The following CTPS2 variants were observed in gnomAD, a reference collection of about 807,000 sequenced individuals.
CTPS2 encodes the protein CTP synthase 2.
In CTPS2, 19 loss-of-function variants were observed where a neutral mutation model predicts 46.8. The observed-to-expected ratio is 0.41, with a 90% CI of 0.28 to 0.60. CTPS2 has a LOEUF of 0.60. Ranked by LOEUF, CTPS2 falls within the 20% of genes least tolerant of loss-of-function variation. CTPS2 has a pLI of 0.35. For synonymous variants in CTPS2, 151 were observed against 165.2 expected, an observed-to-expected ratio of 0.91 and a Z score of 0.66; for missense variants, 286 against 447.6, an observed-to-expected ratio of 0.64 and a Z score of 3.26.
intron 17 of CTPS2, among the ~76,000 whole-genome samples, chrX:16,593,205 G>A (rs1046764300): frequency 6.3e-5 from 7 of 111,393 alleles, no homozygotes; most frequent in African/African-American, 2.3e-4. Context: ...CAAGGTGGGC[G>A]GATCACGAGG....
chrX:16,657,546 T>C (rs1406264516), intron 13 of CTPS2, among the ~76,000 whole-genome samples: 1 of 111,268 alleles, frequency 9.0e-6, no homozygotes, highest in Non-Finnish European at 1.9e-5. Flanking sequence ...GAAACTATTA[T>C]CATTGGTTAC....
chrX:16,693,023 C>G (rs1923822113), intron 6 of CTPS2, 118 bp downstream of exon 6: 2 of 541,945 alleles, frequency 3.7e-6, no homozygotes, highest in Non-Finnish European at 6.2e-6. Context: ...CACCACTGCA[C>G]TCCAGCCTGG....
chrX:16,638,642 G>A (rs1017525690), intron 14 of CTPS2: 13 of 161,559 alleles, frequency 8.0e-5, no homozygotes, highest in Non-Finnish European at 3.6e-5. Context: ...ATCAAATGGC[G>A]AGCCATCTCC....
intron 13 of CTPS2, among the ~76,000 whole-genome samples, chrX:16,658,163 G>A (rs1409954229): frequency 9.2e-6 from 1 of 108,568 alleles, no homozygotes; most frequent in African/African-American, 3.4e-5. Context: ...CCAAGATTGT[G>A]CTATTGCACT....
chrX:16,628,332 T>C (rs1931271607), intron 14 of CTPS2, among the ~76,000 whole-genome samples: 1 of 111,674 alleles, frequency 9.0e-6, no homozygotes, highest in Non-Finnish European at 1.9e-5. Context: ...CTCTATATTA[T>C]AGCATTACAT....
intron 13 of CTPS2, chrX:16,654,305 G>T: frequency 2.0e-6 from 1 of 509,300 alleles, no homozygotes; most frequent in Non-Finnish European, 3.2e-6. Flanking sequence ...CTGCCTTCTT[G>T]GCACACAGAC....
chrX:16,686,489 T>A (rs753533522), intron 8 of CTPS2, among the ~76,000 whole-genome samples: 1 of 111,918 alleles, frequency 8.9e-6, no homozygotes, highest in East Asian at 2.8e-4. Flanking sequence ...CAGACATAAG[T>A]AAGGCTCTCC....
At position 16,711,689 on chromosome X, in the gene CTPS2, A is replaced by G. The variant is rs779309794; in HGVS notation, c.-40+646T>C. ...TGGGATAATGGTTACAGGAGTGTAT[A>G]ATTTGTCAAATCCCGTCGATTTGCA... On this transcript the variant is annotated intron_variant, in intron 1 of 18. Coordinates refer to ENST00000359276, the MANE Select transcript of CTPS2 (RefSeq NM_175859.3). 2.7e-5 allele frequency: 3 copies of G among 111,300 alleles called. No individual in the cohort carries two copies. The East Asian group carries it at 8.4e-4, about 31-fold the overall frequency. The allele number at this position is 111,300 out of a possible 1,213,427, so 9.2% of individuals were successfully genotyped here.
chrX:16,639,098 CAT>C (rs772472139), intron 14 of CTPS2, 47 bp downstream of exon 14: 2 of 1,023,363 alleles, frequency 2.0e-6, no homozygotes, highest in African/African-American at 3.7e-5. Flanking sequence ...CCTGCAGTCA[CAT>C]GAGCCACATC....
chrX:16,688,550 T>C (rs1274646698), intron 8 of CTPS2, among the ~76,000 whole-genome samples: 3 of 109,507 alleles, frequency 2.7e-5, no homozygotes, highest in African/African-American at 1.0e-4. Flanking sequence ...AGACTACAGG[T>C]AAGTGCCACT....
intron 13 of CTPS2, among the ~76,000 whole-genome samples, chrX:16,642,978 T>A (rs1259942954): frequency 8.9e-6 from 1 of 112,118 alleles, no homozygotes; most frequent in East Asian, 2.8e-4. Flanking sequence ...ATCCCCAGAT[T>A]TGTCCTCTCT....
chrX:16,624,030 A>G (rs1480840642), intron 14 of CTPS2, among the ~76,000 whole-genome samples: 1 of 108,317 alleles, frequency 9.2e-6, no homozygotes, highest in African/African-American at 3.4e-5. Context: ...GATGGTCTCT[A>G]TCTCCTGACC....
At chrX:16,635,377 C>T (rs1363111485) in intron 14 of CTPS2, among the ~76,000 whole-genome samples, 1 of 111,602 alleles carries the variant, frequency 9.0e-6, no homozygotes, top group Non-Finnish European at 1.9e-5. Flanking sequence ...AAAAAACGTT[C>T]ATAAAACACT....
At chrX:16,654,265 C>A (rs1932768568) in intron 13 of CTPS2, 3 of 407,343 alleles carry the variant, frequency 7.4e-6, no homozygotes, top group Non-Finnish European at 1.3e-5. Context: ...TCTCTGTTAG[C>A]TATTAGATGC....
intron 13 of CTPS2, among the ~76,000 whole-genome samples, chrX:16,663,984 TG>T (rs1933065741): frequency 9.0e-6 from 1 of 110,666 alleles, no homozygotes; most frequent in Non-Finnish European, 1.9e-5. Flanking sequence ...TACAGGCGCG[TG>T]CCACCACGCC....
chrX:16,685,901 T>C (rs1357719341), intron 8 of CTPS2, among the ~76,000 whole-genome samples: 2 of 90,067 alleles, frequency 2.2e-5, no homozygotes, highest in Non-Finnish European at 4.3e-5. Flanking sequence ...AGACAATGAA[T>C]AGGAGGAGGT....
chrX:16,633,970 G>A (rs1290081379), intron 14 of CTPS2, among the ~76,000 whole-genome samples: 5 of 112,036 alleles, frequency 4.5e-5, no homozygotes, highest in Non-Finnish European at 9.4e-5. Context: ...CAGGATGTTC[G>A]ATTCAGCATT....
intron 4 of CTPS2, among the ~76,000 whole-genome samples, chrX:16,694,399 G>A (rs185879669): frequency 1.8e-5 from 2 of 110,548 alleles, no homozygotes; most frequent in Non-Finnish European, 3.8e-5. Flanking sequence ...CTTGGAGGGC[G>A]GACTCTGACC....
chrX:16,646,385 C>T (rs1338506237), intron 13 of CTPS2, among the ~76,000 whole-genome samples: 1 of 112,245 alleles, frequency 8.9e-6, no homozygotes, highest in African/African-American at 3.2e-5. Flanking sequence ...TTTAAGGAGG[C>T]CGTGGGAGTT....
Sources: allele counts gnomAD v4.1 joint callset (sites outside exome capture counted in the v4.1 genomes callset), GRCh38; gene constraint gnomAD v4.1.1; transcripts MANE v1.5; gene names NCBI Gene and HGNC (gene_info 2026-07-23, HGNC 2026-07-21).